Variants in USP14 observed in about 807,000 individuals in gnomAD.
The protein encoded by USP14 is ubiquitin carboxyl-terminal hydrolase 14.
Under a neutral mutation model 76.5 loss-of-function variants are expected in USP14, and 38 were observed. The ratio of observed to expected loss-of-function variants is 0.50; its 90% CI spans 0.38 to 0.65. The LOEUF is 0.65. USP14 is among the 30% of genes least tolerant of loss of function. The probability of loss-of-function intolerance (pLI) is 0.00; values close to 1 mark genes in which losing one functional copy is unlikely to be tolerated. For missense variants in USP14, 467 were observed against 586.5 expected, an observed-to-expected ratio of 0.80 and a Z score of 2.10; for synonymous variants, 192 against 191.7, an observed-to-expected ratio of 1.00 and a Z score of -0.01.
At chr18:171,025 A>ATATATATATATATATATATAT (rs1555762344) in intron 3 of USP14, among the ~76,000 whole-genome samples, 30 of 47,586 alleles carry the variant, frequency 6.3e-4, no homozygotes, top group Admixed American at 1.2e-3. Context: ...AAAAAAAAAA[A>ATATATATATATATATATATAT]ATATATATAT....
intron 8 of USP14, 97 bp downstream of exon 8, chr18:197,793 A>G (rs1910279000): frequency 3.2e-6 from 3 of 929,526 alleles, no homozygotes; most frequent in East Asian, 2.6e-5. Flanking sequence ...GTTCCATCTT[A>G]TAGGTAGATG....
chr18:179,495 G>C (rs1909720912), intron 4 of USP14, among the ~76,000 whole-genome samples: 1 of 148,450 alleles, frequency 6.7e-6, no homozygotes. Context: ...TGCAAAATCA[G>C]TTTAGAAACT....
Position 158,570 on chromosome 18 carries a change from C to A in USP14, c.-129C>A. 1 of 930,590 alleles carries A rather than the reference C, an allele frequency of 1.1e-6. No homozygotes were observed. The highest frequency in any genetic ancestry group is 1.6e-6 in the Non-Finnish European group (1 of 638,666). The allele number at this position is 930,590 out of a possible 1,614,324, so 57.6% of individuals were successfully genotyped here. The stretch of plus-strand genomic sequence containing the variant: ...AGTGGCCGGTTTGAATGAGACTCGT[C>A]GCACCGAAGCCGCCGCCACCACCGC... On this transcript the variant is annotated 5_prime_UTR_variant, in exon 1 of 16. Transcript: ENST00000261601.
chr18:163,042 C>T (rs936954688), intron 1 of USP14: 9 of 246,398 alleles, frequency 3.7e-5, no homozygotes, highest in African/African-American at 1.4e-4. Context: ...TCCCAAAGTA[C>T]TGGGATTACA....
In USP14 at chr18:212,665, T is replaced by G. The variant is rs1910702049; in HGVS notation, c.*1381T>G. 1 of 152,026 alleles carries G rather than the reference T, an allele frequency of 6.6e-6. No individual in the cohort carries two copies. Among genetic ancestry groups the G allele is most frequent in the Non-Finnish European group, 1.5e-5 (1 of 68,008 alleles). The allele number at this position is 152,026 out of a possible 1,614,324, so 9.4% of individuals were successfully genotyped here. A position where few individuals can be genotyped will look rare whatever the true frequency, so the allele number is the denominator to read the frequency against. On this transcript the variant is annotated 3_prime_UTR_variant, in exon 16 of 16. Transcript: ENST00000261601. ...TTTCAGAATTTTAGTGATTTTAAAG[T>G]GATAGTAGAAAATACCAAGCATATG...
intron 5 of USP14, among the ~76,000 whole-genome samples, chr18:182,754 G>T (rs1054243743): frequency 1.3e-5 from 2 of 152,234 alleles, no homozygotes; most frequent in Admixed American, 1.3e-4. Context: ...TGTTATCCCA[G>T]CCTGGATGAG....
In USP14 at chr18:196,749, A is replaced by G. The variant is rs1222929247; in HGVS notation, c.576A>G (p.Gln192=). 6.2e-7 allele frequency: 1 copy of G among 1,614,038 alleles called. No homozygotes were observed. Among genetic ancestry groups the G allele is most frequent in the South Asian group, 1.1e-5 (1 of 91,026 alleles). Residue 192 remains glutamine, a synonymous_variant, in exon 7 of 16, where the codon CAA becomes CAG. Transcript: ENST00000261601. ...CACAGTTTGCCGAGAAAGGTGAACA[A>G]GGACAGTATCTTCAACAGGTAATTA... ...AFPQFAEKGE[Q]GQYLQQDANE...
At chr18:164,729 C>CA in intron 2 of USP14, among the ~76,000 whole-genome samples, 1 of 152,228 alleles carries the variant, frequency 6.6e-6, no homozygotes, top group African/African-American at 2.4e-5. Context: ...GCTGGGATTA[C>CA]AGGCGTGAGC....
intron 13 of USP14, among the ~76,000 whole-genome samples, chr18:208,747 C>CATTT (rs1179664330): frequency 6.6e-6 from 1 of 151,940 alleles, no homozygotes; most frequent in Non-Finnish European, 1.5e-5. Context: ...AATTCTATTA[C>CATTT]ATTTATTTAT....
Position 180,246 on chromosome 18 carries a change from C to A in USP14, c.311C>A (p.Pro104Gln). The change falls in exon 5 of 16, where the codon CCA becomes CAA. Residue 104 changes from proline (P) to glutamine (Q), a missense_variant. Pro to Gln is a moderately conservative substitution (Grantham distance 76, BLOSUM62 -1). Transcript: ENST00000261601. Reference sequence around the variant, plus strand: ...TTTTTTTCCAACTAGATGGAGTTACCATGTGGATTGACAAACCTTGGTAAC... The same window carrying A: ...TTTTTTTCCAACTAGATGGAGTTACAATGTGGATTGACAAACCTTGGTAAC... ...EEQLASAMELPCGLTNLGNTC... is the reference protein window; with the variant it reads ...EEQLASAMELQCGLTNLGNTC... 1 of 1,528,666 alleles carries A rather than the reference C, an allele frequency of 6.5e-7. No individual in the cohort carries two copies. The highest frequency in any genetic ancestry group is 8.7e-7 in the Non-Finnish European group (1 of 1,142,982). The allele number at this position is 1,528,666 out of a possible 1,614,324, so 94.7% of individuals were successfully genotyped here.
intron 5 of USP14, among the ~76,000 whole-genome samples, chr18:183,321 T>A (rs1379172626): frequency 7.0e-6 from 1 of 143,774 alleles, no homozygotes; most frequent in East Asian, 2.3e-4. Context: ...GGGTTTTCTC[T>A]TTTTTTTTTT....
rs143109234 is a variant in USP14 at position 211,227 on chromosome 18, C to T, written c.1428C>T (p.Tyr476=). 969 of 1,613,986 alleles carry T rather than the reference C, an allele frequency of 6.0e-4. 1 individual carries two copies. The highest frequency in any genetic ancestry group is 7.4e-4 in the Non-Finnish European group (879 of 1,179,922). ...GTGGTGGAGACTGGCATATCGCTTA[C>T]GTTCTACTCTATGGGCCTCGCAGAG... ...LSGGGDWHIA[Y]VLLYGPRRVE... The change falls in exon 16 of 16, where the codon TAC becomes TAT. Residue 476 remains tyrosine, a synonymous_variant. Transcript: ENST00000261601.
chr18:184,505 G>A (rs1473779340), intron 5 of USP14, among the ~76,000 whole-genome samples: 1 of 152,176 alleles, frequency 6.6e-6, no homozygotes, highest in South Asian at 2.1e-4. Flanking sequence ...TGTAATCCCA[G>A]TACTTTGGGA....
intron 5 of USP14, among the ~76,000 whole-genome samples, chr18:182,033 A>G (rs1909801629): frequency 6.6e-6 from 1 of 152,170 alleles, no homozygotes; most frequent in Non-Finnish European, 1.5e-5. Flanking sequence ...ACCTTAATGT[A>G]TAGGTTCATT....
At chr18:159,467 G>A (rs1320016399) in intron 1 of USP14, among the ~76,000 whole-genome samples, 1 of 152,168 alleles carries the variant, frequency 6.6e-6, no homozygotes, top group African/African-American at 2.4e-5. Flanking sequence ...CTGCTCCCTA[G>A]CCTTATTCAA....
rs202224437 is a variant in USP14 at position 208,109 on chromosome 18, TA to T, written c.1165-1861del. On this transcript the variant is annotated intron_variant, in intron 13 of 15. Transcript: ENST00000261601. ...TATTTTATTTTATTTTATTTTTATT[TA>T]TTTTTTTTCTATTGCCTAAACATAG... Among the ~76,000 whole-genome samples the T allele has an allele frequency of 4.3e-3, 660 of 151,992 alleles. 2 individuals are homozygous for T. Among genetic ancestry groups the T allele is most frequent in the African/African-American group, 0.015 (632 of 41,536 alleles).
intron 1 of USP14, chr18:159,034 G>A: frequency 3.4e-6 from 1 of 296,732 alleles, no homozygotes; most frequent in Non-Finnish European, 6.2e-6. Flanking sequence ...GTGTCCTGGG[G>A]CGCTGGGCCA....
At chr18:178,418 A>G (rs1021627587) in intron 3 of USP14, among the ~76,000 whole-genome samples, 8 of 152,176 alleles carry the variant, frequency 5.3e-5, no homozygotes, top group African/African-American at 1.9e-4. Flanking sequence ...AAACATTATT[A>G]GGTGTTTTTA....
chr18:168,309 C>T lies in USP14; in HGVS notation c.195+1490C>T, dbSNP rs538574924. Among the ~76,000 whole-genome samples, 8 of 152,264 alleles carry T rather than the reference C, an allele frequency of 5.3e-5. No individual in the cohort carries two copies. In the South Asian group the frequency reaches 6.2e-4, roughly 12 times the overall value. On this transcript the variant is annotated intron_variant, in intron 3 of 15. Transcript: ENST00000261601. ...TTACTAATTCCAGTTGTGTTTTGGG[C>T]AGATTCCATTGGGTTTTCTGTGTAC...
Sources: allele counts gnomAD v4.1 joint callset (sites outside exome capture counted in the v4.1 genomes callset), GRCh38; gene constraint gnomAD v4.1.1; transcripts MANE v1.5; gene names NCBI Gene and HGNC (gene_info 2026-07-23, HGNC 2026-07-21).